Variants in ZBTB7C observed in about 807,000 individuals in gnomAD.
The protein encoded by ZBTB7C is zinc finger and BTB domain-containing protein 7C.
Under a neutral mutation model 25.7 loss-of-function variants are expected in ZBTB7C, and 8 were observed. The ratio of observed to expected loss-of-function variants is 0.31; its 90% CI spans 0.18 to 0.56. The LOEUF is 0.56. Ranked by LOEUF, ZBTB7C falls within the 20% of genes least tolerant of loss-of-function variation. The pLI is 0.91. For missense variants in ZBTB7C, 824 were observed against 855.2 expected (o/e 0.96, Z 0.46); for synonymous variants, 394 against 369.0 (o/e 1.07, Z -0.78).
chr18:48,319,970 G>GA (rs1222322483), intron 2 of ZBTB7C, among the ~76,000 whole-genome samples: 1 of 152,072 alleles, frequency 6.6e-6, no homozygotes, highest in African/African-American at 2.4e-5. Context: ...GAATAGAATA[G>GA]AAAAAAATTC....
intron 3 of ZBTB7C, chr18:48,150,278 G>C (rs2040634072): frequency 1.3e-5 from 2 of 151,930 alleles, no homozygotes; most frequent in African/African-American, 4.8e-5. Context: ...GAATATTTTT[G>C]GATTTCAAAT....
At chr18:48,345,118 T>C (rs2046697102) in intron 1 of ZBTB7C, among the ~76,000 whole-genome samples, 1 of 152,188 alleles carries the variant, frequency 6.6e-6, no homozygotes, top group African/African-American at 2.4e-5. Flanking sequence ...TCCAGCGCTT[T>C]GGAAGGCTGG....
intron 3 of ZBTB7C, among the ~76,000 whole-genome samples, chr18:48,102,534 C>T (rs1391619041): frequency 6.9e-6 from 1 of 144,246 alleles, no homozygotes; most frequent in East Asian, 2.0e-4. Context: ...CATTGCACTC[C>T]AGGCTGGGTG....
At chr18:48,256,045 A>G (rs1448667681) in intron 2 of ZBTB7C, among the ~76,000 whole-genome samples, 3 of 152,206 alleles carry the variant, frequency 2.0e-5, no homozygotes, top group Non-Finnish European at 4.4e-5. Context: ...GTGTAATTAA[A>G]GTCTCCAGAG....
intron 2 of ZBTB7C, among the ~76,000 whole-genome samples, chr18:48,220,497 T>C (rs1050967432): frequency 1.3e-5 from 2 of 152,152 alleles, no homozygotes; most frequent in Admixed American, 6.5e-5. Context: ...GGGGCAGGGA[T>C]GTAACTTAGA....
chr18:48,194,764 C>T (rs1257344607), intron 2 of ZBTB7C, among the ~76,000 whole-genome samples: 3 of 152,024 alleles, frequency 2.0e-5, no homozygotes, highest in Non-Finnish European at 4.4e-5. Context: ...ACCCCAAATG[C>T]CCGCCAGCTG....
chr18:48,246,666 C>G (rs1305451754), intron 2 of ZBTB7C, among the ~76,000 whole-genome samples: 1 of 151,920 alleles, frequency 6.6e-6, no homozygotes, highest in Admixed American at 6.6e-5. Context: ...ATAGGCATAT[C>G]CTGTTAAACT....
chr18:48,260,716 G>C (rs934322210), intron 2 of ZBTB7C, among the ~76,000 whole-genome samples: 1 of 152,190 alleles, frequency 6.6e-6, no homozygotes, highest in Admixed American at 6.5e-5. Context: ...AAGTTTTCGA[G>C]TTGGCAAAAC....
At chr18:48,148,877 C>T (rs9952796) in intron 3 of ZBTB7C, 37,003 of 152,182 alleles carry the variant, frequency 0.24, 4,678 homozygotes, top group South Asian at 0.32. Flanking sequence ...ACTTTGATTA[C>T]CTTTGATCCA....
chr18:48,409,889 G>A (rs2048363678), upstream of ZBTB7C, among the ~76,000 whole-genome samples: 6 of 152,180 alleles, frequency 3.9e-5, no homozygotes, highest in South Asian at 1.2e-3. Context: ...CCGGTCTCCT[G>A]ACGCCCTCTG....
chr18:48,055,027 C>T (rs2036856071), intron 3 of ZBTB7C, among the ~76,000 whole-genome samples: 2 of 152,114 alleles, frequency 1.3e-5, no homozygotes, highest in South Asian at 4.1e-4. Context: ...ATAGAAAATA[C>T]CTGCTTTAGA....
chr18:48,313,216 G>A (rs924122246), intron 2 of ZBTB7C, among the ~76,000 whole-genome samples: 39 of 152,330 alleles, frequency 2.6e-4, no homozygotes, highest in East Asian at 1.9e-3. Context: ...AGTTGTGGCT[G>A]TCATGCTCAG....
At chr18:48,204,151 T>A (rs2042523157) in intron 2 of ZBTB7C, among the ~76,000 whole-genome samples, 1 of 152,166 alleles carries the variant, frequency 6.6e-6, no homozygotes, top group Non-Finnish European at 1.5e-5. Flanking sequence ...GGCCACTCCA[T>A]CAGGTCACAC....
In ZBTB7C at chr18:48,220,651, C is replaced by T. The variant is rs541653351; in HGVS notation, c.-78-34656G>A. On this transcript the variant is annotated intron_variant, in intron 2 of 4. Coordinates refer to ENST00000590800, the MANE Select transcript of ZBTB7C (RefSeq NM_001318841.2). ...AGATAAGCAGGGTCTCTGCCCAACC[C>T]TGTGAGAAATCAATAAATCAACCCA... Among the ~76,000 whole-genome samples, 12 of 152,282 alleles carry T rather than the reference C, an allele frequency of 7.9e-5. No homozygotes were observed. The East Asian group carries it at 1.2e-3, about 15-fold the overall frequency.
At chr18:48,302,187 T>C (rs1324334373) in intron 2 of ZBTB7C, among the ~76,000 whole-genome samples, 1 of 152,166 alleles carries the variant, frequency 6.6e-6, no homozygotes, top group Non-Finnish European at 1.5e-5. Flanking sequence ...CAGTCCCTTC[T>C]CCTAGGTTCC....
intron 3 of ZBTB7C, among the ~76,000 whole-genome samples, chr18:48,094,032 C>T (rs541871474): frequency 2.4e-4 from 37 of 152,278 alleles, no homozygotes; most frequent in Middle Eastern, 3.4e-3. Context: ...GCACTCCAGC[C>T]TGGGCGACAG....
intron 1 of ZBTB7C, among the ~76,000 whole-genome samples, chr18:48,399,989 G>C (rs988025496): frequency 2.0e-5 from 3 of 152,180 alleles, no homozygotes; most frequent in Middle Eastern, 3.4e-3. Context: ...AATATTTCCT[G>C]TGCGGCCCCT....
intron 2 of ZBTB7C, among the ~76,000 whole-genome samples, chr18:48,220,773 G>A (rs770605713): frequency 4.6e-5 from 7 of 152,066 alleles, no homozygotes; most frequent in Non-Finnish European, 1.0e-4. Flanking sequence ...AGAGTCCAAG[G>A]AAGCAAATAT....
intron 3 of ZBTB7C, among the ~76,000 whole-genome samples, chr18:48,118,001 C>CTTTTTTTTTT (rs11358230): frequency 1.6e-5 from 2 of 128,512 alleles, no homozygotes. Context: ...TCTTCTTCTT[C>CTTTTTTTTTT]TTTTTTTTTT....
Sources: gnomAD v4.1 joint callset for allele counts (sites outside exome capture counted in the v4.1 genomes callset) on GRCh38, gnomAD v4.1.1 for gene constraint, MANE v1.5 for transcripts, NCBI Gene and HGNC (gene_info 2026-07-23, HGNC 2026-07-21) for gene names.